SNX30: variants seen among roughly 807,000 people sequenced by gnomAD.
SNX30 encodes sorting nexin family member 30.
A neutral mutation model predicts 46.4 loss-of-function variants in SNX30; 24 were observed. The observed-to-expected ratio is 0.52, with a 90% CI of 0.37 to 0.73. SNX30 has a LOEUF of 0.73. Ranked by LOEUF, SNX30 falls within the 30% of genes least tolerant of loss-of-function variation. The pLI, the probability that SNX30 is intolerant of heterozygous loss-of-function variation, is 0.00. For synonymous variants in SNX30, 189 were observed against 211.5 expected, an observed-to-expected ratio of 0.89 and a Z score of 0.92; for missense variants, 533 against 555.7, an observed-to-expected ratio of 0.96 and a Z score of 0.41.
intron 6 of SNX30, among the ~76,000 whole-genome samples, chr9:112,845,184 A>G (rs976790716): frequency 6.6e-5 from 10 of 152,186 alleles, no homozygotes; most frequent in Non-Finnish European, 1.5e-4. Flanking sequence ...TGACACTAAA[A>G]CGATTTTGAA....
rs1193968500 is a variant in SNX30, at chr9:112,874,925, T to G, written c.*6082T>G. 6.6e-6 allele frequency: 1 copy of G among 152,218 alleles called. No homozygotes were observed. Among genetic ancestry groups the G allele is most frequent in the Non-Finnish European group, 1.5e-5 (1 of 68,032 alleles). The allele number at this position is 152,218 out of a possible 1,614,324, so 9.4% of individuals were successfully genotyped here. On this transcript the variant is annotated 3_prime_UTR_variant, in exon 9 of 9. Transcript: ENST00000374232. ...GCTTGATAAATATTAGCTTGTAAAT[T>G]TAAAGTTTCTTTACTTCAATTAACT...
chr9:112,829,809 G>C (rs555164017), intron 3 of SNX30, among the ~76,000 whole-genome samples: 1 of 151,870 alleles, frequency 6.6e-6, no homozygotes, highest in African/African-American at 2.4e-5. Context: ...GGCCATCTTA[G>C]CAGGTATGAA....
chr9:112,775,906 T>G (rs787282), intron 1 of SNX30, among the ~76,000 whole-genome samples: 121,886 of 151,614 alleles, frequency 0.8, 49,001 homozygotes, highest in South Asian at 0.87. Flanking sequence ...CCCCACTAGT[T>G]GCCTCAACAC....
intron 8 of SNX30, among the ~76,000 whole-genome samples, chr9:112,867,537 AG>A (rs1841381031): frequency 6.7e-6 from 1 of 148,824 alleles, no homozygotes; most frequent in Non-Finnish European, 1.5e-5. Flanking sequence ...CCACCTCCTC[AG>A]AATTCCTCCT....
At chr9:112,765,469 C>T (rs1839520664) in intron 1 of SNX30, among the ~76,000 whole-genome samples, 1 of 152,202 alleles carries the variant, frequency 6.6e-6, no homozygotes, top group East Asian at 1.9e-4. Flanking sequence ...ATTCCCAGCC[C>T]CTGGCAACTG....
intron 3 of SNX30, among the ~76,000 whole-genome samples, chr9:112,829,669 A>G (rs1281260650): frequency 6.6e-6 from 1 of 152,236 alleles, no homozygotes; most frequent in African/African-American, 2.4e-5. Flanking sequence ...AGGAACCACC[A>G]AACTGTTTTC....
At chr9:112,773,948 A>T (rs1588111447) in intron 1 of SNX30, among the ~76,000 whole-genome samples, 1 of 152,218 alleles carries the variant, frequency 6.6e-6, no homozygotes, top group Non-Finnish European at 1.5e-5. Context: ...CAACATGATG[A>T]TGCTGAAAAG....
At chr9:112,868,612 C>CAA (rs1229567387) in intron 8 of SNX30, among the ~76,000 whole-genome samples, 172 bp from the exon 9 acceptor site, 2 of 152,202 alleles carry the variant, frequency 1.3e-5, no homozygotes, top group Non-Finnish European at 2.9e-5. Context: ...GCATTCAAAA[C>CAA]AAACACCTGT....
chr9:112,825,840 A>G (rs1025526379), intron 3 of SNX30, among the ~76,000 whole-genome samples: 1 of 152,178 alleles, frequency 6.6e-6, no homozygotes, highest in Admixed American at 6.5e-5. Context: ...AACAACCCAG[A>G]CAGTAATAGA....
chr9:112,838,412 A>C, intron 5 of SNX30, 86 bp from the exon 6 acceptor site: 1 of 1,103,170 alleles, frequency 9.1e-7, no homozygotes, highest in Non-Finnish European at 1.3e-6. Flanking sequence ...TCATGTAGAG[A>C]GCTCTTGGCT....
intron 2 of SNX30, among the ~76,000 whole-genome samples, chr9:112,810,333 C>T (rs758781889): frequency 5.3e-5 from 8 of 152,002 alleles, no homozygotes; most frequent in Non-Finnish European, 1.0e-4. Flanking sequence ...TTTGTTTCTC[C>T]TCTAGCAGTG....
intron 2 of SNX30, among the ~76,000 whole-genome samples, chr9:112,813,352 T>A (rs1199977501): frequency 6.6e-6 from 1 of 151,868 alleles, no homozygotes; most frequent in Admixed American, 6.6e-5. Context: ...TGGTGGCATG[T>A]GCCTGTAGTC....
chr9:112,779,033 T>A lies in SNX30; in HGVS notation c.157-25743T>A, dbSNP rs1042373533. Among the ~76,000 whole-genome samples, 3 of 152,220 alleles carry A rather than the reference T, an allele frequency of 2.0e-5. No individual in the cohort carries two copies. In the East Asian group the frequency reaches 5.8e-4, roughly 29 times the overall value. ...GGGCATTAGCTAGGTGAGTAAGGCA[T>A]CCCATACAAAGTGCTCGTGGCACTT... On this transcript the variant is annotated intron_variant, in intron 1 of 8. Coordinates refer to ENST00000374232, the MANE Select transcript of SNX30 (RefSeq NM_001012994.2).
chr9:112,851,327 G>A (rs1167354662), intron 7 of SNX30, among the ~76,000 whole-genome samples: 3 of 152,216 alleles, frequency 2.0e-5, no homozygotes, highest in Non-Finnish European at 4.4e-5. Context: ...AGAAGCACTT[G>A]GAAACTTCTA....
chr9:112,751,204 T>TGG (rs538528951), intron 1 of SNX30, 47 bp downstream of exon 1: 3 of 1,362,344 alleles, frequency 2.2e-6, no homozygotes, highest in Non-Finnish European at 1.9e-6. Flanking sequence ...TCGCTCCCCG[T>TGG]GGGGGGGATG....
chr9:112,784,514 C>T (rs1326273020), intron 1 of SNX30, among the ~76,000 whole-genome samples: 5 of 152,164 alleles, frequency 3.3e-5, no homozygotes, highest in African/African-American at 4.8e-5. Context: ...GTCCCCTGCC[C>T]GTGCCTTCTT....
Position 112,871,407 on chromosome 9 carries a change from C to T in SNX30, c.*2564C>T, listed in dbSNP as rs1309344231. On this transcript the variant is annotated 3_prime_UTR_variant, in exon 9 of 9. Transcript: ENST00000374232. Reference sequence around the variant, plus strand: ...GAGGGCCAGCAGTCCCAACCATTTGCCTCTTCGTTTTGACCAAGCACAAAA... The same window carrying T: ...GAGGGCCAGCAGTCCCAACCATTTGTCTCTTCGTTTTGACCAAGCACAAAA... 6.6e-6 allele frequency: 1 copy of T among 152,082 alleles called. No individual in the cohort carries two copies. The highest frequency in any genetic ancestry group is 2.4e-5 in the African/African-American group (1 of 41,414). The allele number at this position is 152,082 out of a possible 1,614,324, so 9.4% of individuals were successfully genotyped here. A position where few individuals can be genotyped will look rare whatever the true frequency, so the allele number is the denominator to read the frequency against.
intron 1 of SNX30, among the ~76,000 whole-genome samples, chr9:112,753,695 A>G (rs1186297075): frequency 1.3e-5 from 2 of 152,204 alleles, no homozygotes; most frequent in African/African-American, 2.4e-5. Flanking sequence ...ATTATTGAAT[A>G]TTTAATGAAT....
chr9:112,775,216 T>C (rs1276488371), intron 1 of SNX30, among the ~76,000 whole-genome samples: 2 of 147,856 alleles, frequency 1.4e-5, no homozygotes, highest in Non-Finnish European at 3.0e-5. Flanking sequence ...AGTGCAATGG[T>C]GTGATCTCAG....
Sources: allele counts gnomAD v4.1 joint callset (sites outside exome capture counted in the v4.1 genomes callset), GRCh38; gene constraint gnomAD v4.1.1; transcripts MANE v1.5; gene names NCBI Gene and HGNC (gene_info 2026-07-23, HGNC 2026-07-21).